CDH13: variants seen among roughly 807,000 people sequenced by gnomAD.
The protein encoded by CDH13 is cadherin-13.
A neutral mutation model predicts 63.8 loss-of-function variants in CDH13; 24 were observed. The observed-to-expected ratio is 0.38, with a 90% CI of 0.27 to 0.53. The LOEUF is 0.53. CDH13 is among the 20% of genes least tolerant of loss of function. The pLI, the probability that CDH13 is intolerant of heterozygous loss-of-function variation, is 0.85. For missense variants in CDH13, 1,049 were observed against 903.1 expected, an observed-to-expected ratio of 1.16 and a Z score of -2.07; for synonymous variants, 503 against 355.3, an observed-to-expected ratio of 1.42 and a Z score of -4.67.
chr16:82,813,956 T>C (rs2037577105), intron 1 of CDH13, among the ~76,000 whole-genome samples: 1 of 152,118 alleles, frequency 6.6e-6, no homozygotes, highest in African/African-American at 2.4e-5. Context: ...CATAAAACCA[T>C]TGTCGAGACC....
chr16:82,960,006 G>A lies in CDH13; in HGVS notation c.158-72004G>A, dbSNP rs576399596. On this transcript the variant is annotated intron_variant, in intron 2 of 13. Transcript: ENST00000567109. ...CATTGCTAAACTGTTTTCCAGAGCG[G>A]CTATACCATTTTACATTCTATTGAA... 3.9e-5 allele frequency among the ~76,000 whole-genome samples: 6 copies of A among 152,292 alleles called. No homozygotes were observed. The South Asian group carries it at 1.2e-3, about 32-fold the overall frequency.
At chr16:82,900,552 G>C (rs2041429286) in intron 2 of CDH13, among the ~76,000 whole-genome samples, 1 of 152,164 alleles carries the variant, frequency 6.6e-6, no homozygotes, top group Admixed American at 6.5e-5. Flanking sequence ...TTTCTATTTT[G>C]TTATTTTCCC....
intron 3 of CDH13, among the ~76,000 whole-genome samples, chr16:83,034,449 A>C (rs1400863132): frequency 1.3e-5 from 2 of 152,238 alleles, no homozygotes; most frequent in African/African-American, 2.4e-5. Context: ...GTGGAAATCC[A>C]TTGACACCAC....
intron 3 of CDH13, among the ~76,000 whole-genome samples, chr16:83,112,301 T>C (rs1037873047): frequency 1.3e-5 from 2 of 152,208 alleles, no homozygotes; most frequent in Non-Finnish European, 1.5e-5. Context: ...AACTGCACTG[T>C]GTGAAGACAT....
In CDH13 at chr16:83,345,021, C is replaced by T. The variant is rs1317502772; in HGVS notation, c.781+15C>T. The T allele has an allele frequency of 6.2e-7, 1 of 1,612,860 alleles. No homozygotes were observed. The highest frequency in any genetic ancestry group is 8.5e-7 in the Non-Finnish European group (1 of 1,179,066). ...GTCACCCACAGGTATGTCACATTGG[C>T]TTACCTTTAGCGTAATGGCTTGGAA... is the stretch of plus-strand genomic sequence containing the variant. On this transcript the variant is annotated intron_variant, in intron 6 of 13. Coordinates refer to ENST00000567109, the MANE Select transcript of CDH13 (RefSeq NM_001257.5).
At chr16:83,674,421 C>G (rs569136379) in intron 9 of CDH13, among the ~76,000 whole-genome samples, 1 of 152,222 alleles carries the variant, frequency 6.6e-6, no homozygotes, top group Non-Finnish European at 1.5e-5. Flanking sequence ...TTATGAGACC[C>G]TCTCCTCTTA....
intron 4 of CDH13, among the ~76,000 whole-genome samples, chr16:83,151,965 G>T (rs1451701715): frequency 7.1e-6 from 1 of 141,418 alleles, no homozygotes; most frequent in Non-Finnish European, 1.6e-5. Context: ...AAAAGGAAAA[G>T]AAAAAAAAGA....
At chr16:83,776,827 G>C (rs1270721343) in intron 11 of CDH13, among the ~76,000 whole-genome samples, 1 of 152,158 alleles carries the variant, frequency 6.6e-6, no homozygotes, top group East Asian at 1.9e-4. Flanking sequence ...GGGTCTCTCA[G>C]GATTCCGTAT....
At chr16:83,147,540 T>G (rs1459372998) in intron 4 of CDH13, among the ~76,000 whole-genome samples, 1 of 152,216 alleles carries the variant, frequency 6.6e-6, no homozygotes, top group Non-Finnish European at 1.5e-5. Flanking sequence ...CACGACTATC[T>G]TATCACAGCT....
intron 2 of CDH13, among the ~76,000 whole-genome samples, chr16:82,909,767 CTCATCTTAT>C (rs1337241584): frequency 6.6e-6 from 1 of 152,080 alleles, no homozygotes. Context: ...TATGGGAGAT[CTCATCTTAT>C]TCAAGATGAG....
At chr16:83,567,632 G>T (rs567799213) in intron 7 of CDH13, among the ~76,000 whole-genome samples, 1 of 152,190 alleles carries the variant, frequency 6.6e-6, no homozygotes, top group South Asian at 2.1e-4. Flanking sequence ...GTCTCACTCT[G>T]TTGCCCAGGC....
chr16:83,777,254 G>A (rs1471766271), intron 11 of CDH13, among the ~76,000 whole-genome samples: 2 of 152,158 alleles, frequency 1.3e-5, no homozygotes, highest in Admixed American at 6.5e-5. Flanking sequence ...TGGTGGCCTC[G>A]TGCACTCTGT....
chr16:82,672,707 C>A (rs950236701), intron 1 of CDH13, among the ~76,000 whole-genome samples: 1 of 151,306 alleles, frequency 6.6e-6, no homozygotes, highest in Non-Finnish European at 1.5e-5. Context: ...CATAGAATTC[C>A]TTGTGACTTT....
chr16:83,448,192 G>C (rs1213422127), intron 6 of CDH13, among the ~76,000 whole-genome samples: 7 of 152,036 alleles, frequency 4.6e-5, no homozygotes, highest in Admixed American at 3.9e-4. Flanking sequence ...CTCATGATCT[G>C]AGTCTAGCTA....
chr16:83,690,418 GGT>G (rs1371086148), intron 10 of CDH13, among the ~76,000 whole-genome samples: 3 of 152,176 alleles, frequency 2.0e-5, no homozygotes, highest in Non-Finnish European at 4.4e-5. Context: ...AGCTATCCCG[GGT>G]GGAGAGGTCC....
At chr16:82,862,577 G>T (rs146445148) in intron 2 of CDH13, among the ~76,000 whole-genome samples, 75 of 151,872 alleles carry the variant, frequency 4.9e-4, no homozygotes, top group African/African-American at 1.8e-3. Flanking sequence ...TCTTACCCTT[G>T]TTCATTCTTT....
In CDH13 at chr16:83,795,076, A is replaced by G. The variant is rs774626511; in HGVS notation, c.*46A>G. The G allele has an allele frequency of 1.4e-5, 21 of 1,534,738 alleles. No individual in the cohort carries two copies. The highest frequency in any genetic ancestry group is 1.8e-5 in the Non-Finnish European group (20 of 1,134,606). ...TTGACTCCCAAGTTTCCATAGCAAC[A>G]GGAAAAAAAAAAATCTATCCAAATC... On this transcript the variant is annotated 3_prime_UTR_variant, in exon 14 of 14. Coordinates refer to ENST00000567109, the MANE Select transcript of CDH13 (RefSeq NM_001257.5).
At chr16:82,809,431 G>A (rs554290216) in intron 1 of CDH13, among the ~76,000 whole-genome samples, 4 of 152,236 alleles carry the variant, frequency 2.6e-5, no homozygotes, top group South Asian at 4.1e-4. Context: ...ACTTGGAGAG[G>A]AGGGAGTGGT....
At chr16:83,435,813 C>T (rs1331887209) in intron 6 of CDH13, among the ~76,000 whole-genome samples, 2 of 152,188 alleles carry the variant, frequency 1.3e-5, no homozygotes, top group African/African-American at 4.8e-5. Flanking sequence ...TTCCTGCTGT[C>T]TCTGGTTGGC....
Sources: gnomAD v4.1 joint callset for allele counts (sites outside exome capture counted in the v4.1 genomes callset) on GRCh38, gnomAD v4.1.1 for gene constraint, MANE v1.5 for transcripts, NCBI Gene and HGNC (gene_info 2026-07-23, HGNC 2026-07-21) for gene names.